Variants in TEP1 observed in about 807,000 individuals in gnomAD.
TEP1 encodes the protein telomerase protein component 1.
TEP1 carries 241 observed loss-of-function variants against 306.3 expected under a neutral mutation model. The observed-to-expected ratio is 0.79, with a 90% CI of 0.71 to 0.88. The LOEUF is 0.88. TEP1 is among the 40% of genes least tolerant of loss of function. The pLI is 0.00. For missense variants in TEP1, 3,051 were observed against 3,276.1 expected, an observed-to-expected ratio of 0.93 and a Z score of 1.68; for synonymous variants, 1,289 against 1,305.5, an observed-to-expected ratio of 0.99 and a Z score of 0.27.
In TEP1 at chr14:20,373,686, G is replaced by A. The variant is rs764929393; in HGVS notation, c.6596C>T (p.Pro2199Leu). Residue 2199 changes from proline (P) to leucine (L), a missense_variant, in exon 45 of 55, where the codon CCC becomes CTC. Coordinates refer to ENST00000262715, the MANE Select transcript of TEP1 (RefSeq NM_007110.5). ...PISHCAAAME[P>L]RAAGQPGSEL... ...GGCTGACGTTTTGTTACCTGCACGG[G>A]GCTCCATGGCAGCTGCACAGTGGCT... 6.2e-7 allele frequency: 1 copy of A among 1,614,170 alleles called. No homozygotes were observed. Among genetic ancestry groups the A allele is most frequent in the Non-Finnish European group, 8.5e-7 (1 of 1,180,046 alleles).
At position 20,381,599 on chromosome 14, in the gene TEP1, A is replaced by G; in HGVS notation, c.4512T>C (p.Tyr1504=). The change falls in exon 31 of 55, where the codon TAT becomes TAC. Residue 1504 remains tyrosine, a synonymous_variant. Transcript: ENST00000262715. This position sits in a 1 kb window ranked among gnomAD's most constrained non-coding sequence, Gnocchi z 4.0. ...GPLRTAAKRC[Y]GKRPGLEDTA... ...TGTCCTCTAGCCCTGGCCTCTTCCC[A>G]TAGCAACGTTTAGCTGCTGTTCTCA... The G allele has an allele frequency of 1.9e-6, 3 of 1,613,936 alleles. No individual in the cohort carries two copies. Among genetic ancestry groups the G allele is most frequent in the Non-Finnish European group, 2.5e-6 (3 of 1,179,986 alleles).
rs992586396 is a variant in TEP1 at position 20,366,908 on chromosome 14, A to G, written c.*1529T>C. The G allele has an allele frequency of 6.6e-6, 1 of 152,246 alleles. No individual in the cohort carries two copies. The highest frequency in any genetic ancestry group is 1.5e-5 in the Non-Finnish European group (1 of 68,054). The allele number at this position is 152,246 out of a possible 1,614,324, so 9.4% of individuals were successfully genotyped here. A position where few individuals can be genotyped will look rare whatever the true frequency, so the allele number is the denominator to read the frequency against. Reference sequence around the variant, plus strand: ...TTTTGCCTTTTGCTCTCCTAAAAGCATGGGCCAAGGGCAGGAGGAAGCTCT... The same window carrying G: ...TTTTGCCTTTTGCTCTCCTAAAAGCGTGGGCCAAGGGCAGGAGGAAGCTCT... On this transcript the variant is annotated 3_prime_UTR_variant, in exon 55 of 55. Coordinates refer to ENST00000262715, the MANE Select transcript of TEP1 (RefSeq NM_007110.5).
Position 20,380,415 on chromosome 14 carries a change from G to C in TEP1, c.4823C>G (p.Thr1608Ser), listed in dbSNP as rs764203379. The part of the protein sequence containing the change: ...LPEADVAVFR[T>S]FLRQQASILS... ...GATTGAAGCCTGCTGCCTCAGGAAGGTGCGAAACACTGCAACGTCAGCCTC... is the reference window on the plus strand; with the variant it reads ...GATTGAAGCCTGCTGCCTCAGGAAGCTGCGAAACACTGCAACGTCAGCCTC... Residue 1608 changes from threonine (T) to serine (S), a missense_variant, in exon 34 of 55, where the codon ACC becomes AGC. Physicochemically the swap from Thr to Ser is moderately conservative, Grantham distance 58. Around this residue, in one of 3 missense-constraint regions of TEP1, gnomAD observed 1,540 missense variants for 1,705.9 expected, o/e 0.90. Coordinates refer to ENST00000262715, the MANE Select transcript of TEP1 (RefSeq NM_007110.5). The C allele has an allele frequency of 6.2e-7, 1 of 1,614,192 alleles. No homozygotes were observed. The highest frequency in any genetic ancestry group is 8.5e-7 in the Non-Finnish European group (1 of 1,180,036).
chr14:20,406,308 A>G lies in TEP1; in HGVS notation c.660T>C (p.Asp220=). The G allele has an allele frequency of 6.2e-7, 1 of 1,614,104 alleles. No homozygotes were observed. The highest frequency in any genetic ancestry group is 8.5e-7 in the Non-Finnish European group (1 of 1,180,036). The change falls in exon 3 of 55, where the codon GAT becomes GAC. Residue 220 remains aspartate (D), a synonymous_variant. Coordinates refer to ENST00000262715, the MANE Select transcript of TEP1 (RefSeq NM_007110.5). ...LSLGEEEEVE[D]LAVKLTSGDS... Reference sequence around the variant, plus strand: ...CTCCAGAGGTGAGCTTCACGGCCAGATCCTCCACCTCCTCCTCCTCTCCCA... The same window carrying G: ...CTCCAGAGGTGAGCTTCACGGCCAGGTCCTCCACCTCCTCCTCCTCTCCCA...
intron 1 of TEP1, among the ~76,000 whole-genome samples, chr14:20,410,791 TCTC>T (rs1879608201): frequency 1.3e-5 from 2 of 148,500 alleles, no homozygotes; most frequent in Non-Finnish European, 3.0e-5. Context: ...GCTAATTGTT[TCTC>T]CTTTGTGGTT....
Position 20,386,464 on chromosome 14 carries a change from C to G in TEP1, c.2844G>C (p.Glu948Asp). 1 of 1,607,096 alleles carries G rather than the reference C, an allele frequency of 6.2e-7. No individual in the cohort carries two copies. Among genetic ancestry groups the G allele is most frequent in the Non-Finnish European group, 8.5e-7 (1 of 1,176,038 alleles). Residue 948 changes from glutamate to aspartate, a missense_variant, in exon 19 of 55, where the codon GAG (glutamate) becomes GAC (aspartate). By Grantham distance (45) the Glu-to-Asp change is conservative (BLOSUM62 2). Transcript: ENST00000262715. Reference sequence around the variant, plus strand: ...CCCCACACCTGTTCCTACGGGTCTCCTCCTCAGTGACGCCCCAGCGGAGGT... The same window carrying G: ...CCCCACACCTGTTCCTACGGGTCTCGTCCTCAGTGACGCCCCAGCGGAGGT... ...GIDLRWGVTE[E>D]ETRRNRQLEV...
Position 20,383,390 on chromosome 14 carries a change from G to C in TEP1, c.3868-37C>G. The C allele has an allele frequency of 1.9e-6, 3 of 1,600,694 alleles. No homozygotes were observed. The Admixed American group carries it at 5.1e-5, about 27-fold the overall frequency. ...GGGCAAAGGGGCAGGAAGGTAGAAA[G>C]AAAAGGAGAACCACATTGGAGAGGC... is the stretch of plus-strand genomic sequence containing the variant. On this transcript the variant is annotated intron_variant, in intron 26 of 54. Coordinates refer to ENST00000262715, the MANE Select transcript of TEP1 (RefSeq NM_007110.5).
At chr14:20,410,130 A>T (rs1412815377) in intron 1 of TEP1, among the ~76,000 whole-genome samples, 1 of 151,546 alleles carries the variant, frequency 6.6e-6, no homozygotes, top group Non-Finnish European at 1.5e-5. Context: ...GCCTGGCACT[A>T]AGTGTTCAAT....
At position 20,368,791 on chromosome 14, in the gene TEP1, C is replaced by T; in HGVS notation, c.7761+7G>A. 1 of 1,603,048 alleles carries T rather than the reference C, an allele frequency of 6.2e-7. No individual in the cohort carries two copies. ...ACACACACACACACACACACACACA[C>T]ACTTACCAGCTGCATACTGGGTCTC... On this transcript the variant is annotated splice_region_variant and intron_variant, in intron 54 of 54. Transcript: ENST00000262715.
Position 20,413,416 on chromosome 14 carries a change from G to C in TEP1, c.-36C>G, listed in dbSNP as rs1049361788. ...CCTGGGTGCCTGACCTGGGGCGTCC[G>C]ATTCCCGCAGCAGGAAGCAGAAACT... On this transcript the variant is annotated 5_prime_UTR_variant, in exon 1 of 55. In the 5' UTR this introduces an upstream ATG that the reference lacks. Coordinates refer to ENST00000262715, the MANE Select transcript of TEP1 (RefSeq NM_007110.5). 2 of 151,662 alleles carry C rather than the reference G, an allele frequency of 1.3e-5. No individual in the cohort carries two copies. Among genetic ancestry groups the C allele is most frequent in the African/African-American group, 4.9e-5 (2 of 40,764 alleles). 9.4% of individuals were successfully genotyped at this position (151,662 alleles called of 1,614,324 possible). A position where few individuals can be genotyped will look rare whatever the true frequency, so the allele number is the denominator to read the frequency against.
At chr14:20,389,864 C>G (rs1877544733) in intron 15 of TEP1, 124 bp from the exon 16 acceptor site, 1 of 1,283,970 alleles carries the variant, frequency 7.8e-7, no homozygotes. Context: ...CTCCTGAGAG[C>G]ACATAGAATG....
chr14:20,407,899 T>A lies in TEP1; in HGVS notation c.541A>T (p.Thr181Ser). Residue 181 changes from threonine to serine, a missense_variant, in exon 2 of 55, where the codon ACA becomes TCA. Thr to Ser is a moderately conservative substitution (Grantham distance 58, BLOSUM62 1). This residue lies in a region of TEP1 where 1,507 missense variants were observed against 1,550.5 expected (regional missense o/e 0.97). Transcript: ENST00000262715. ...AAAGTTGCTTCCTGAGCTGTCTCTGTGGCAGAGATGGATTTCAGGGCTATA... is the reference window on the plus strand; with the variant it reads ...AAAGTTGCTTCCTGAGCTGTCTCTGAGGCAGAGATGGATTTCAGGGCTATA... The part of the protein sequence containing the change: ...CPIALKSISA[T>S]ETAQEATLGR... 1 of 1,603,942 alleles carries A rather than the reference T, an allele frequency of 6.2e-7. No individual in the cohort carries two copies. Among genetic ancestry groups the A allele is most frequent in the Admixed American group, 1.7e-5 (1 of 58,382 alleles).
chr14:20,410,754 T>A (rs893034630), intron 1 of TEP1, among the ~76,000 whole-genome samples: 10 of 150,144 alleles, frequency 6.7e-5, no homozygotes, highest in African/African-American at 1.2e-4. Flanking sequence ...CCTTTTTTTT[T>A]AAGCATGTTT....
chr14:20,395,335 G>A (rs559452795), intron 12 of TEP1, 115 bp downstream of exon 12: 51 of 1,093,190 alleles, frequency 4.7e-5, no homozygotes, highest in Admixed American at 2.2e-4. Flanking sequence ...GAGCCACTGC[G>A]ATGACTGACA....
chr14:20,387,907 T>C lies in TEP1; in HGVS notation c.2682A>G (p.Gln894=), dbSNP rs199885544. The C allele has an allele frequency of 1.2e-6, 2 of 1,603,686 alleles. No homozygotes were observed. The highest frequency in any genetic ancestry group is 1.8e-5 in the Admixed American group (1 of 56,800). The change falls in exon 18 of 55, where the codon CAA becomes CAG. Residue 894 remains glutamine, a splice_region_variant and synonymous_variant. Coordinates refer to ENST00000262715, the MANE Select transcript of TEP1 (RefSeq NM_007110.5). The part of the protein sequence containing the change: ...TPSPLAPVSQ[Q]GWRSIRLFIS... The stretch of plus-strand genomic sequence containing the variant: ...AAGGCATAGAAACACAGACTGACCC[T>C]TGCTGGGAAACAGGAGCCAAGGGGC...
rs1292812484 is a variant in TEP1, at chr14:20,395,475, C to T, written c.1903G>A (p.Glu635Lys). The change falls in exon 12 of 55, where the codon GAG becomes AAG. Residue 635 changes from glutamate (E) to lysine (K), a missense_variant. By Grantham distance (56) the Glu-to-Lys change is moderately conservative. Around this residue, in one of 3 missense-constraint regions of TEP1, gnomAD observed 1,507 missense variants for 1,550.5 expected, o/e 0.97. Coordinates refer to ENST00000262715, the MANE Select transcript of TEP1 (RefSeq NM_007110.5). Reference sequence around the variant, plus strand: ...CTGGCCTTGTGTACTCTCAGCTTCTCCCTCTTGAGCTGCTCATACAACACA... The same window carrying T: ...CTGGCCTTGTGTACTCTCAGCTTCTTCCTCTTGAGCTGCTCATACAACACA... ...IPVLYEQLKREKLRVHKARQW... is the reference protein window; with the variant it reads ...IPVLYEQLKRKKLRVHKARQW... 31 of 1,601,046 alleles carry T rather than the reference C, an allele frequency of 1.9e-5. No homozygotes were observed. The highest frequency in any genetic ancestry group is 2.6e-5 in the Non-Finnish European group (30 of 1,170,038).
chr14:20,410,292 G>A (rs1879549180), intron 1 of TEP1, among the ~76,000 whole-genome samples: 1 of 152,034 alleles, frequency 6.6e-6, no homozygotes, highest in South Asian at 2.1e-4. Flanking sequence ...GTGACATACT[G>A]TATATAGATT....
At chr14:20,406,081 AAAAAG>A (rs1879150512) in intron 3 of TEP1, 147 bp downstream of exon 3, 1 of 595,582 alleles carries the variant, frequency 1.7e-6, no homozygotes, top group African/African-American at 1.9e-5. Context: ...AAATAAAAGA[AAAAAG>A]AAAAGGGGAT....
chr14:20,379,914 T>A lies in TEP1; in HGVS notation c.5127+16A>T, dbSNP rs777277505. The A allele has an allele frequency of 6.2e-7, 1 of 1,603,908 alleles. No homozygotes were observed. The highest frequency in any genetic ancestry group is 8.5e-7 in the Non-Finnish European group (1 of 1,176,056). On this transcript the variant is annotated intron_variant, in intron 35 of 54. Coordinates refer to ENST00000262715, the MANE Select transcript of TEP1 (RefSeq NM_007110.5). ...ATTTTCAGAGGGTAAATTCTGCCCC[T>A]CCTTGATTGTCATACCTGCCAAGTT...
Sources: allele counts gnomAD v4.1 joint callset (sites outside exome capture counted in the v4.1 genomes callset), GRCh38; gene constraint gnomAD v4.1.1; regional missense constraint gnomAD v4.1.1; non-coding constraint Gnocchi (gnomAD v3.1); transcripts MANE v1.5; gene names NCBI Gene and HGNC (gene_info 2026-07-23, HGNC 2026-07-21).